The following COL22A1 variants were observed in gnomAD, a reference collection of about 807,000 sequenced individuals.
COL22A1 encodes collagen type XXII alpha 1 chain, also known as collagen alpha-1(XXII) chain.
COL22A1 carries 221 observed loss-of-function variants against 248.9 expected under a neutral mutation model. The ratio of observed to expected loss-of-function variants is 0.89; its 90% CI spans 0.80 to 0.99. The LOEUF is 0.99. COL22A1 is among the 50% of genes least tolerant of loss of function. The pLI is 0.00. For synonymous variants in COL22A1, 891 were observed against 793.4 expected (o/e 1.12, Z -2.07); for missense variants, 2,240 against 2,179.0 (o/e 1.03, Z -0.56).
At position 138,755,149 on chromosome 8, in the gene COL22A1, C is replaced by T; in HGVS notation, c.2031+8G>A. On this transcript the variant is annotated splice_region_variant and intron_variant, in intron 21 of 64. Transcript: ENST00000303045. ...GAGCAAACCCTGCGCAGGAGAGGGACAACTTACCCGAGCTCCTGGAGGACC... is the reference window on the plus strand; with the variant it reads ...GAGCAAACCCTGCGCAGGAGAGGGATAACTTACCCGAGCTCCTGGAGGACC... 3 of 1,614,078 alleles carry T rather than the reference C, an allele frequency of 1.9e-6. No homozygotes were observed. Among genetic ancestry groups the T allele is most frequent in the South Asian group, 1.1e-5 (1 of 91,070 alleles).
At chr8:138,673,329 C>A (rs528037409) in intron 41 of COL22A1, among the ~76,000 whole-genome samples, 3 of 151,946 alleles carry the variant, frequency 2.0e-5, no homozygotes, top group Non-Finnish European at 2.9e-5. Flanking sequence ...CCTGCCTCAG[C>A]CTCTTGAGTA....
chr8:138,594,437 C>T (rs55658588), intron 62 of COL22A1, among the ~76,000 whole-genome samples: 7,970 of 152,242 alleles, frequency 0.052, 246 homozygotes, highest in Non-Finnish European at 0.07. Flanking sequence ...CTTCTGATTG[C>T]GGCTGGCCAT....
At chr8:138,700,011 G>T in intron 32 of COL22A1, 101 bp downstream of exon 32, 2 of 1,091,468 alleles carry the variant, frequency 1.8e-6, no homozygotes, top group Non-Finnish European at 2.8e-6. Flanking sequence ...ACGCGATGGG[G>T]CTGAGTCCTC....
At chr8:138,638,578 G>A (rs2130402013) in intron 47 of COL22A1, among the ~76,000 whole-genome samples, 1 of 152,174 alleles carries the variant, frequency 6.6e-6, no homozygotes, top group Non-Finnish European at 1.5e-5. Context: ...TGATATATTG[G>A]GAGGGTTAGG....
intron 41 of COL22A1, among the ~76,000 whole-genome samples, chr8:138,672,086 G>T (rs1587826835): frequency 6.6e-6 from 1 of 152,288 alleles, no homozygotes; most frequent in African/African-American, 2.4e-5. Context: ...CAACTGTATG[G>T]TACCCCTGCT....
In COL22A1 at chr8:138,646,591, G is replaced by A. The variant is rs772276061; in HGVS notation, c.3501+38C>T. On this transcript the variant is annotated intron_variant, in intron 47 of 64. Coordinates refer to ENST00000303045, the MANE Select transcript of COL22A1 (RefSeq NM_152888.3). ...TTGAGATTAACCATTGAGATGAGCA[G>A]AATAGATCCATGCAGATGGTTATGA... is the stretch of plus-strand genomic sequence containing the variant. 4.7e-6 allele frequency: 7 copies of A among 1,492,132 alleles called. No individual in the cohort carries two copies. The South Asian group carries it at 8.8e-5, about 19-fold the overall frequency. 92.4% of individuals were successfully genotyped at this position (1,492,132 alleles called of 1,614,324 possible). A position where few individuals can be genotyped will look rare whatever the true frequency, so the allele number is the denominator to read the frequency against.
chr8:138,630,639 G>A, intron 50 of COL22A1, 56 bp downstream of exon 50: 2 of 1,514,028 alleles, frequency 1.3e-6, no homozygotes, highest in Non-Finnish European at 1.8e-6. Context: ...AACACCTGGG[G>A]TTCCAGAAAG....
chr8:138,767,706 C>G (rs563445696), intron 16 of COL22A1, among the ~76,000 whole-genome samples: 2 of 152,186 alleles, frequency 1.3e-5, no homozygotes. Flanking sequence ...GACAGTGCAC[C>G]GCCCGGTCTC....
chr8:138,653,782 A>G (rs866885796), intron 45 of COL22A1, among the ~76,000 whole-genome samples: 6 of 152,188 alleles, frequency 3.9e-5, no homozygotes, highest in Admixed American at 1.3e-4. Context: ...AGCCACCTAG[A>G]CTAGACCAGC....
rs144978295 is a variant in COL22A1, at chr8:138,752,403, G to A, written c.2032-892C>T. Among the ~76,000 whole-genome samples the A allele has an allele frequency of 5.2e-3, 797 of 152,296 alleles. 5 individuals are homozygous for A. Among genetic ancestry groups the A allele is most frequent in the South Asian group, 0.026 (125 of 4,828 alleles). ...GCTGCTAAATTTTGCGTAACTGTAC[G>A]TGACCAAGCTGCATTTACATCAAAG... On this transcript the variant is annotated intron_variant, in intron 21 of 64. Transcript: ENST00000303045.
chr8:138,672,760 C>T (rs934482206), intron 41 of COL22A1, among the ~76,000 whole-genome samples: 1 of 152,144 alleles, frequency 6.6e-6, no homozygotes, highest in African/African-American at 2.4e-5. Context: ...ATGTTGTATT[C>T]CTCCCAATTT....
At chr8:138,859,795 A>G (rs924399113) in intron 3 of COL22A1, among the ~76,000 whole-genome samples, 2 of 152,062 alleles carry the variant, frequency 1.3e-5, no homozygotes, top group African/African-American at 4.8e-5. Flanking sequence ...GTGGCCTCCC[A>G]CCTTTGCATC....
chr8:138,700,644 A>G (rs1367964731), intron 31 of COL22A1, among the ~76,000 whole-genome samples: 2 of 152,174 alleles, frequency 1.3e-5, no homozygotes. Flanking sequence ...ACTCTGGCGG[A>G]CTGGCCCCTG....
At chr8:138,705,469 C>T (rs527859885) in intron 30 of COL22A1, among the ~76,000 whole-genome samples, 7 of 152,266 alleles carry the variant, frequency 4.6e-5, no homozygotes, top group African/African-American at 1.7e-4. Flanking sequence ...AGAGTAGGGG[C>T]CAATATTCAA....
intron 23 of COL22A1, among the ~76,000 whole-genome samples, chr8:138,729,768 T>C (rs939831741): frequency 6.6e-6 from 1 of 152,214 alleles, no homozygotes; most frequent in Non-Finnish European, 1.5e-5. Context: ...CTCTTGGCCA[T>C]GCTCTGCCTT....
rs1421315504 is a variant in COL22A1 at position 138,878,264 on chromosome 8, G to A, written c.144C>T (p.Ser48=). 1.3e-6 allele frequency: 2 copies of A among 1,582,946 alleles called. No individual in the cohort carries two copies. The highest frequency in any genetic ancestry group is 1.7e-6 in the Non-Finnish European group (2 of 1,164,234). Residue 48 remains serine (S), a synonymous_variant, in exon 3 of 65, where the codon AGC becomes AGT. Coordinates refer to ENST00000303045, the MANE Select transcript of COL22A1 (RefSeq NM_152888.3). ...CCTTCTCAAAGTCCTCCTTGCCCAC[G>A]CTGGAGGAGGTGTCCAGGAGGAAGA... The part of the protein sequence containing the change: ...DLVFLLDTSS[S]VGKEDFEKVR...
Position 138,589,008 on chromosome 8 carries a change from G to C in COL22A1, c.*245C>G. 2.5e-6 allele frequency: 1 copy of C among 401,652 alleles called. No homozygotes were observed. Among genetic ancestry groups the C allele is most frequent in the Non-Finnish European group, 4.4e-6 (1 of 229,286 alleles). 24.9% of individuals were successfully genotyped at this position (401,652 alleles called of 1,614,324 possible). A position where few individuals can be genotyped will look rare whatever the true frequency, so the allele number is the denominator to read the frequency against. ...GTGGAAAAGAACTCACAAAGCATCAGCATATGAAATAATAATAATAATTAA... is the reference window on the plus strand; with the variant it reads ...GTGGAAAAGAACTCACAAAGCATCACCATATGAAATAATAATAATAATTAA... On this transcript the variant is annotated 3_prime_UTR_variant, in exon 65 of 65. Transcript: ENST00000303045.
At chr8:138,677,948 A>C (rs1255178603) in intron 40 of COL22A1, among the ~76,000 whole-genome samples, 1 of 152,218 alleles carries the variant, frequency 6.6e-6, no homozygotes, top group Admixed American at 6.5e-5. Context: ...ATGAAGAGCC[A>C]ATGAGATAAT....
Position 138,883,099 on chromosome 8 carries a change from C to T in COL22A1, c.74G>A (p.Cys25Tyr). 2 of 1,587,168 alleles carry T rather than the reference C, an allele frequency of 1.3e-6. No homozygotes were observed. The highest frequency in any genetic ancestry group is 1.7e-6 in the Non-Finnish European group (2 of 1,168,486). ...MLLLWSGGGGCQAQRAGCKSV... is the reference protein window; with the variant it reads ...MLLLWSGGGGYQAQRAGCKSV... ...GGCCCCACCTGCCCGCTGAGCCTGG[C>T]AGCCGCCGCCCCCACTCCACAGCAG... The change falls in exon 2 of 65, where the codon TGC becomes TAC. Residue 25 changes from cysteine (C) to tyrosine (Y), a missense_variant. Coordinates refer to ENST00000303045, the MANE Select transcript of COL22A1 (RefSeq NM_152888.3).
Sources: gnomAD v4.1 joint callset for allele counts (sites outside exome capture counted in the v4.1 genomes callset) on GRCh38, gnomAD v4.1.1 for gene constraint, MANE v1.5 for transcripts, NCBI Gene and HGNC (gene_info 2026-07-23, HGNC 2026-07-21) for gene names.